The following FOXK2 variants were observed in gnomAD, a reference collection of about 807,000 sequenced individuals.
FOXK2 encodes the protein forkhead box protein K2.
Under a neutral mutation model 53.3 loss-of-function variants are expected in FOXK2, and 24 were observed. That is an observed-to-expected ratio of 0.45 (90% CI 0.33 to 0.63). The LOEUF (loss-of-function observed/expected upper bound fraction) is 0.63. Ranked by LOEUF, FOXK2 falls within the 30% of genes least tolerant of loss-of-function variation. The pLI is 0.03. For synonymous variants in FOXK2, 505 were observed against 407.1 expected (o/e 1.24, Z -2.89); for missense variants, 952 against 910.5 (o/e 1.05, Z -0.59).
intron 1 of FOXK2, among the ~76,000 whole-genome samples, chr17:82,546,371 C>T (rs1397121689): frequency 6.6e-6 from 1 of 151,978 alleles, no homozygotes; most frequent in Non-Finnish European, 1.5e-5. Flanking sequence ...CCTGCCTCGG[C>T]CTCCCAGAGT....
chr17:82,522,476 C>T (rs1018299958), intron 1 of FOXK2, among the ~76,000 whole-genome samples: 1 of 151,160 alleles, frequency 6.6e-6, no homozygotes, highest in Non-Finnish European at 1.5e-5. Flanking sequence ...TCACATCATT[C>T]TCCTGCCTCA....
rs145491566 is a variant in FOXK2 at position 82,587,250 on chromosome 17, G to A, written c.1764G>A (p.Ala588=). The A allele has an allele frequency of 3.6e-4, 576 of 1,612,882 alleles. 3 individuals are homozygous for A. Among genetic ancestry groups the A allele is most frequent in the Middle Eastern group, 1.5e-3 (9 of 6,060 alleles). ...NGTHVASVPT[A]VHGQVNNAAA... ...CTCACGTGGCATCAGTCCCCACTGCGGTCCACGGCCAGGTGAACAATGGTA... is the reference window on the plus strand; with the variant it reads ...CTCACGTGGCATCAGTCCCCACTGCAGTCCACGGCCAGGTGAACAATGGTA... The change falls in exon 8 of 9, where the codon GCG becomes GCA. Residue 588 remains alanine (A), a synonymous_variant. Coordinates refer to ENST00000335255, the MANE Select transcript of FOXK2 (RefSeq NM_004514.4).
At chr17:82,601,154 G>GGCCT in intron 8 of FOXK2, 149 bp from the exon 9 acceptor site, 1 of 845,702 alleles carries the variant, frequency 1.2e-6, no homozygotes, top group East Asian at 2.7e-5. Context: ...AGCCTCCGCG[G>GGCCT]GCCTGGGAGT....
In FOXK2 at chr17:82,520,012, G is replaced by T. The variant is rs1356235844; in HGVS notation, c.124G>T (p.Gly42Cys). 1 of 1,472,010 alleles carries T rather than the reference G, an allele frequency of 6.8e-7. No individual in the cohort carries two copies. The highest frequency in any genetic ancestry group is 9.0e-7 in the Non-Finnish European group (1 of 1,108,536). The allele number at this position is 1,472,010 out of a possible 1,614,324, so 91.2% of individuals were successfully genotyped here. Reference sequence around the variant, plus strand: ...CGGCTGGGCCGTGGCGCGCCTGGAGGGCCGCGAGTTCGAGTATCTGATGAA... The same window carrying T: ...CGGCTGGGCCGTGGCGCGCCTGGAGTGCCGCGAGTTCGAGTATCTGATGAA... ...PGGWAVARLE[G>C]REFEYLMKKR... Residue 42 changes from glycine (G) to cysteine (C), a missense_variant, in exon 1 of 9, where the codon GGC becomes TGC. Around this residue, in one of 5 missense-constraint regions of FOXK2, gnomAD observed 163 missense variants for 165.5 expected, o/e 0.98. Coordinates refer to ENST00000335255, the MANE Select transcript of FOXK2 (RefSeq NM_004514.4).
chr17:82,524,514 T>C (rs976532429), intron 1 of FOXK2, among the ~76,000 whole-genome samples: 1 of 152,200 alleles, frequency 6.6e-6, no homozygotes, highest in Admixed American at 6.5e-5. Context: ...GACTAAGATG[T>C]GGATCCAAGT....
At chr17:82,559,040 C>G (rs1352145078) in intron 1 of FOXK2, among the ~76,000 whole-genome samples, 1 of 152,138 alleles carries the variant, frequency 6.6e-6, no homozygotes, top group Admixed American at 6.6e-5. Context: ...TGAGCCACTG[C>G]GCCTGGCCCA....
At chr17:82,561,745 G>T (rs2044795980) in intron 1 of FOXK2, among the ~76,000 whole-genome samples, 1 of 152,244 alleles carries the variant, frequency 6.6e-6, no homozygotes, top group Non-Finnish European at 1.5e-5. Flanking sequence ...TCTTCTTGGA[G>T]ACGTCCCTGA....
At chr17:82,534,920 G>C (rs529337124) in intron 1 of FOXK2, among the ~76,000 whole-genome samples, 1 of 152,152 alleles carries the variant, frequency 6.6e-6, no homozygotes, top group Non-Finnish European at 1.5e-5. Context: ...TTGCTCTGTC[G>C]CCCAGCTGGA....
chr17:82,519,791 A>T lies in FOXK2; in HGVS notation c.-98A>T. 2.8e-6 allele frequency: 1 copy of T among 355,452 alleles called. No individual in the cohort carries two copies. Among genetic ancestry groups the T allele is most frequent in the Non-Finnish European group, 3.8e-6 (1 of 259,950 alleles). The allele number at this position is 355,452 out of a possible 1,614,324, so 22.0% of individuals were successfully genotyped here. Reference sequence around the variant, plus strand: ...CGGCCTCCGCTCGGCCCCCTCCCTCAGCTCCGGTGCGCGGCGGCCGACGAC... The same window carrying T: ...CGGCCTCCGCTCGGCCCCCTCCCTCTGCTCCGGTGCGCGGCGGCCGACGAC... On this transcript the variant is annotated 5_prime_UTR_variant, in exon 1 of 9. Coordinates refer to ENST00000335255, the MANE Select transcript of FOXK2 (RefSeq NM_004514.4).
In FOXK2 at chr17:82,582,880, G is replaced by GACGGCC; in HGVS notation, c.1050_1055dup (p.Pro352_Arg353dup). The GACGGCC allele has an allele frequency of 6.2e-7, 1 of 1,613,204 alleles. No individual in the cohort carries two copies. The highest frequency in any genetic ancestry group is 8.5e-7 in the Non-Finnish European group (1 of 1,179,876). ...TTAATAGAACAGGCTTTTAGGAAAC[G>GACGGCC]ACGGCCTAGGGGCGTGCCCTGCTTT... On this transcript the variant is annotated inframe_insertion, in exon 5 of 9. Transcript: ENST00000335255.
At chr17:82,567,134 C>A (rs2044860812) in intron 2 of FOXK2, among the ~76,000 whole-genome samples, 1 of 152,122 alleles carries the variant, frequency 6.6e-6, no homozygotes, top group African/African-American at 2.4e-5. Context: ...ATCTCCCTGG[C>A]CCTCCTTTTG....
intron 8 of FOXK2, among the ~76,000 whole-genome samples, chr17:82,589,902 C>T (rs567557324): frequency 2.0e-5 from 3 of 152,186 alleles, no homozygotes; most frequent in East Asian, 1.9e-4. Flanking sequence ...AAAGATTAGC[C>T]GGGTGTGGTG....
chr17:82,557,019 T>TTTA (rs976035389), intron 1 of FOXK2, among the ~76,000 whole-genome samples: 2 of 143,180 alleles, frequency 1.4e-5, no homozygotes, highest in Non-Finnish European at 3.0e-5. Flanking sequence ...TTATTTTTAT[T>TTTA]TTATTATTAT....
intron 1 of FOXK2, among the ~76,000 whole-genome samples, chr17:82,556,928 C>G (rs893975815): frequency 5.9e-5 from 9 of 152,058 alleles, no homozygotes; most frequent in African/African-American, 2.2e-4. Context: ...GTCTTGAACT[C>G]CTGACCTCAG....
rs2045418815 is a variant in FOXK2, at chr17:82,604,035, C to T, written c.*2536C>T. 6.6e-6 allele frequency: 1 copy of T among 152,188 alleles called. No individual in the cohort carries two copies. The highest frequency in any genetic ancestry group is 2.1e-4 in the South Asian group (1 of 4,820). 9.4% of individuals were successfully genotyped at this position (152,188 alleles called of 1,614,324 possible). On this transcript the variant is annotated 3_prime_UTR_variant, in exon 9 of 9. Coordinates refer to ENST00000335255, the MANE Select transcript of FOXK2 (RefSeq NM_004514.4). ...GAGCTGCTGTCGCCGCAGCCCTGGC[C>T]CCTGGTGCTGGAGCTGCAGCACCTT...
chr17:82,543,068 C>T (rs2044589331), intron 1 of FOXK2, among the ~76,000 whole-genome samples: 3 of 152,190 alleles, frequency 2.0e-5, no homozygotes, highest in African/African-American at 7.2e-5. Flanking sequence ...ATAAGTTAAA[C>T]TTCTTCAGTG....
At chr17:82,523,260 C>A (rs1280810567) in intron 1 of FOXK2, among the ~76,000 whole-genome samples, 2 of 152,146 alleles carry the variant, frequency 1.3e-5, no homozygotes, top group Non-Finnish European at 2.9e-5. Flanking sequence ...TCTACCCGTA[C>A]TGAGTACACA....
rs556561115 is a variant in FOXK2 at position 82,594,530 on chromosome 17, C to A, written c.1787-6773C>A. The stretch of plus-strand genomic sequence containing the variant: ...AAAAAAAAAAATGCTCCAGACACTT[C>A]AGTTTGAAAATATTGGAATTTATGT... On this transcript the variant is annotated intron_variant, in intron 8 of 8. Coordinates refer to ENST00000335255, the MANE Select transcript of FOXK2 (RefSeq NM_004514.4). Among the ~76,000 whole-genome samples the A allele has an allele frequency of 5.4e-5, 8 of 149,358 alleles. No homozygotes were observed. In the South Asian group the frequency reaches 1.7e-3, roughly 31 times the overall value.
chr17:82,534,503 T>G lies in FOXK2; in HGVS notation c.419+14196T>G, dbSNP rs568334839. On this transcript the variant is annotated intron_variant, in intron 1 of 8. Coordinates refer to ENST00000335255, the MANE Select transcript of FOXK2 (RefSeq NM_004514.4). ...CTCCTGCAGAGCATGTGCACAGACC[T>G]GGCTCTAGGTCGTCATGCCTCAGGC... Among the ~76,000 whole-genome samples the G allele has an allele frequency of 2.0e-5, 3 of 152,332 alleles. No individual in the cohort carries two copies. In the South Asian group the frequency reaches 6.2e-4, roughly 32 times the overall value.
Sources: allele counts gnomAD v4.1 joint callset (sites outside exome capture counted in the v4.1 genomes callset), GRCh38; gene constraint gnomAD v4.1.1; regional missense constraint gnomAD v4.1.1; transcripts MANE v1.5; gene names NCBI Gene and HGNC (gene_info 2026-07-23, HGNC 2026-07-21).